The following SPARC variants were observed in gnomAD, a reference collection of about 807,000 sequenced individuals.
The protein encoded by SPARC is basement-membrane protein 40.
In SPARC, 23 loss-of-function variants were observed where a neutral mutation model predicts 37.7. That is an observed-to-expected ratio of 0.61 (90% CI 0.44 to 0.87). The LOEUF (loss-of-function observed/expected upper bound fraction) is 0.87, where lower values mean the gene tolerates loss of function less well. SPARC is among the 40% of genes least tolerant of loss of function. SPARC has a pLI of 0.00. For missense variants in SPARC, 312 were observed against 389.0 expected, an observed-to-expected ratio of 0.80 and a Z score of 1.66; for synonymous variants, 155 against 150.8, an observed-to-expected ratio of 1.03 and a Z score of -0.20.
intron 8 of SPARC, 63 bp downstream of exon 8, chr5:151,666,298 C>T: frequency 6.5e-7 from 1 of 1,545,398 alleles, no homozygotes; most frequent in Non-Finnish European, 8.8e-7. Context: ...GAGAGGCTTT[C>T]TGGCCATAGC....
intron 1 of SPARC, among the ~76,000 whole-genome samples, chr5:151,678,389 G>C (rs1442275241): frequency 6.6e-6 from 1 of 152,132 alleles, no homozygotes; most frequent in Non-Finnish European, 1.5e-5. Context: ...TTTTCCAGCT[G>C]CACACTCACC....
intron 6 of SPARC, among the ~76,000 whole-genome samples, chr5:151,669,463 C>A (rs1209505238): frequency 6.6e-6 from 1 of 152,154 alleles, no homozygotes; most frequent in Non-Finnish European, 1.5e-5. Flanking sequence ...CAGTCCTTCC[C>A]CAGAAAGTGC....
intron 1 of SPARC, among the ~76,000 whole-genome samples, chr5:151,681,888 C>T (rs774807517): frequency 1.3e-5 from 2 of 152,076 alleles, no homozygotes; most frequent in Admixed American, 6.5e-5. Flanking sequence ...AGTGAAACTC[C>T]CTCTCAAAAA....
chr5:151,682,170 A>G (rs556586445), intron 1 of SPARC, among the ~76,000 whole-genome samples: 1 of 152,258 alleles, frequency 6.6e-6, no homozygotes, highest in South Asian at 2.1e-4. Context: ...AAAGACGCTA[A>G]AGGAAACTTT....
At chr5:151,673,733 C>A (rs1175919060) in intron 3 of SPARC, among the ~76,000 whole-genome samples, 2 of 152,188 alleles carry the variant, frequency 1.3e-5, no homozygotes, top group African/African-American at 2.4e-5. Flanking sequence ...GCGAACTCAA[C>A]CAATGCACAA....
intron 5 of SPARC, among the ~76,000 whole-genome samples, chr5:151,670,456 G>C (rs1330313474): frequency 6.6e-6 from 1 of 152,208 alleles, no homozygotes; most frequent in Non-Finnish European, 1.5e-5. Context: ...TTGTAGCTGG[G>C]GTAAGAATGC....
In SPARC at chr5:151,685,323, C is replaced by T. The variant is rs375546504; in HGVS notation, c.-14+1542G>A. 9.2e-5 allele frequency: 14 copies of T among 152,090 alleles called. No individual in the cohort carries two copies. The East Asian group carries it at 9.7e-4, about 10-fold the overall frequency. 9.4% of individuals were successfully genotyped at this position (152,090 alleles called of 1,614,324 possible). ...CATTTGTTACCAGTCCTCACTCCAT[C>T]CCCACGTCATGCCCTCTAATCCATT... On this transcript the variant is annotated intron_variant, in intron 1 of 9. Coordinates refer to ENST00000231061, the MANE Select transcript of SPARC (RefSeq NM_003118.4).
chr5:151,664,655 T>A (rs750071869), intron 8 of SPARC, among the ~76,000 whole-genome samples: 1 of 152,200 alleles, frequency 6.6e-6, no homozygotes. Context: ...CTGTATATTG[T>A]CTATGGACAC....
At chr5:151,670,871 T>C (rs1760733555) in intron 5 of SPARC, among the ~76,000 whole-genome samples, 1 of 152,102 alleles carries the variant, frequency 6.6e-6, no homozygotes, top group Admixed American at 6.5e-5. Context: ...GCCCAGAGGC[T>C]ATGTAGTCTC....
intron 1 of SPARC, among the ~76,000 whole-genome samples, chr5:151,682,099 C>G (rs527767759): frequency 1.3e-5 from 2 of 152,154 alleles, no homozygotes; most frequent in Non-Finnish European, 2.9e-5. Context: ...CTTTTTAGAG[C>G]CTTACCTCTC....
rs1218551585 is a variant in SPARC at position 151,673,129 on chromosome 5, T to G, written c.208A>C (p.Asn70His). The change falls in exon 4 of 10, where the codon AAT (asparagine) becomes CAT (histidine). Residue 70 changes from asparagine to histidine, a missense_variant and splice_region_variant. Transcript: ENST00000231061. ...EETEEEVVAE[N>H]PCQNHHCKHG... ...GCCAAGTTACAGGGAAGGGACATAC[T>G]TTCCGCCACCACCTCCTCTTCGGTT... 1 of 1,612,412 alleles carries G rather than the reference T, an allele frequency of 6.2e-7. No individual in the cohort carries two copies. The highest frequency in any genetic ancestry group is 8.5e-7 in the Non-Finnish European group (1 of 1,178,492).
intron 1 of SPARC, among the ~76,000 whole-genome samples, chr5:151,685,418 TCTCTCA>T (rs1397559980): frequency 2.0e-3 from 124 of 62,090 alleles, no homozygotes; most frequent in Admixed American, 8.5e-3. Context: ...TCTCCCTCTC[TCTCTCA>T]CACACACACA....
At chr5:151,678,812 C>A (rs546243958) in intron 1 of SPARC, among the ~76,000 whole-genome samples, 4 of 152,316 alleles carry the variant, frequency 2.6e-5, no homozygotes, top group Non-Finnish European at 4.4e-5. Flanking sequence ...AACACAAAAT[C>A]TGGGTCCTGC....
chr5:151,671,831 C>G, intron 4 of SPARC, 137 bp from the exon 5 acceptor site: 1 of 1,118,400 alleles, frequency 8.9e-7, no homozygotes, highest in Middle Eastern at 2.0e-4. Flanking sequence ...TGAGTCCTGC[C>G]TGCTCTTGCA....
Position 151,669,957 on chromosome 5 carries a change from T to A in SPARC, c.331-173A>T, listed in dbSNP as rs547720383. 2.0e-5 allele frequency among the ~76,000 whole-genome samples: 3 copies of A among 152,282 alleles called. No individual in the cohort carries two copies. The South Asian group carries it at 6.2e-4, about 32-fold the overall frequency. On this transcript the variant is annotated intron_variant, in intron 5 of 9. Transcript: ENST00000231061. ...CTGGGCCACAAATCCACTTTTTGGG[T>A]TCCCAGGTCAATGCTCAGCCCAGGC...
chr5:151,669,805 AC>A lies in SPARC; in HGVS notation c.331-22del, dbSNP rs773969701. On this transcript the variant is annotated intron_variant, in intron 5 of 9. Transcript: ENST00000231061. The stretch of plus-strand genomic sequence containing the variant: ...CACACCTGTTGGCAAAGCACAGAGT[AC>A]CCCCTCCTTCATTCCCAAAGCCCTT... 5.6e-6 allele frequency: 9 copies of A among 1,613,486 alleles called. No homozygotes were observed. The Admixed American group carries it at 1.3e-4, about 24-fold the overall frequency.
chr5:151,666,236 C>T, intron 8 of SPARC, 125 bp downstream of exon 8: 2 of 963,046 alleles, frequency 2.1e-6, no homozygotes, highest in South Asian at 3.9e-5. Flanking sequence ...TCCTTCTGCT[C>T]CAATCCCCAG....
At chr5:151,675,100 G>A (rs556021041) in intron 2 of SPARC, among the ~76,000 whole-genome samples, 8 of 152,128 alleles carry the variant, frequency 5.3e-5, no homozygotes, top group Non-Finnish European at 1.0e-4. Flanking sequence ...AGTATTATTA[G>A]GCAATTTTTC....
intron 8 of SPARC, among the ~76,000 whole-genome samples, chr5:151,666,052 C>A (rs1339598337): frequency 6.6e-6 from 1 of 152,198 alleles, no homozygotes; most frequent in African/African-American, 2.4e-5. Context: ...CCCCTGCCAC[C>A]CCTTGGAGCC....
Sources: gnomAD v4.1 joint callset for allele counts (sites outside exome capture counted in the v4.1 genomes callset) on GRCh38, gnomAD v4.1.1 for gene constraint, MANE v1.5 for transcripts, NCBI Gene and HGNC (gene_info 2026-07-23, HGNC 2026-07-21) for gene names.